EGFR: variants seen among roughly 807,000 people sequenced by gnomAD.
EGFR encodes epidermal growth factor receptor, also known as avian erythroblastic leukemia viral (v-erb-b) oncogene homolog.
Under a neutral mutation model 143.0 loss-of-function variants are expected in EGFR, and 58 were observed. The ratio of observed to expected loss-of-function variants is 0.41; its 90% CI spans 0.33 to 0.50. EGFR has a LOEUF of 0.50. Among genes scored for constraint, EGFR ranks in the 20% least tolerant of loss-of-function variants. EGFR has a pLI of 0.39. For synonymous variants in EGFR, 613 were observed against 594.4 expected (o/e 1.03, Z -0.45); for missense variants, 1,307 against 1,579.0 (o/e 0.83, Z 2.92).
At position 55,208,389 on chromosome 7, in the gene EGFR, G is replaced by C. The variant is rs1377762790; in HGVS notation, c.*2772G>C. Reference sequence around the variant, plus strand: ...GATAGCCTGGCCTTAATACCCTACAGAAAGCCTGTCCATTGGCTGTTTCTT... The same window carrying C: ...GATAGCCTGGCCTTAATACCCTACACAAAGCCTGTCCATTGGCTGTTTCTT... On this transcript the variant is annotated 3_prime_UTR_variant, in exon 28 of 28. Transcript: ENST00000275493. The C allele has an allele frequency of 3.3e-5, 5 of 152,180 alleles. No homozygotes were observed. Among genetic ancestry groups the C allele is most frequent in the African/African-American group, 1.2e-4 (5 of 41,418 alleles). The allele number at this position is 152,180 out of a possible 1,614,324, so 9.4% of individuals were successfully genotyped here.
At position 55,093,471 on chromosome 7, in the gene EGFR, T is replaced by C. The variant is rs528270852; in HGVS notation, c.89-48815T>C. Among the ~76,000 whole-genome samples, 123 of 152,212 alleles carry C rather than the reference T, an allele frequency of 8.1e-4. 8 individuals carry two copies. In the South Asian group the frequency reaches 0.025, roughly 31 times the overall value. On this transcript the variant is annotated intron_variant, in intron 1 of 27. Coordinates refer to ENST00000275493, the MANE Select transcript of EGFR (RefSeq NM_005228.5). ...TGGCATGGTGACTGTGTGAGCGAAT[T>C]CATGCCCTCCCTCCCCACCGCTCGC...
intron 1 of EGFR, among the ~76,000 whole-genome samples, chr7:55,024,974 A>G (rs141372144): frequency 1.3e-5 from 2 of 152,326 alleles, no homozygotes; most frequent in African/African-American, 4.8e-5. Flanking sequence ...ATTTGGTTAT[A>G]TGATTATTTC....
At chr7:55,178,357 A>G (rs1300428898) in intron 19 of EGFR, among the ~76,000 whole-genome samples, 1 of 152,206 alleles carries the variant, frequency 6.6e-6, no homozygotes, top group African/African-American at 2.4e-5. Context: ...AATGGAAGGG[A>G]ACGCAAAACA....
intron 1 of EGFR, among the ~76,000 whole-genome samples, chr7:55,045,652 GTC>G (rs1450551359): frequency 6.6e-6 from 1 of 152,202 alleles, no homozygotes; most frequent in African/African-American, 2.4e-5. Context: ...TTCCTCACCT[GTC>G]GAGTGTCAAC....
chr7:55,034,242 GT>G (rs1787428284), intron 1 of EGFR, among the ~76,000 whole-genome samples: 1 of 152,140 alleles, frequency 6.6e-6, no homozygotes, highest in African/African-American at 2.4e-5. Flanking sequence ...TGTTTGTTTT[GT>G]TTTGTATTGA....
At chr7:55,202,777 A>C (rs747390134) in intron 27 of EGFR, 152 bp downstream of exon 27, 7 of 749,242 alleles carry the variant, frequency 9.3e-6, no homozygotes, top group Admixed American at 4.0e-5. Flanking sequence ...GGGCGTAAGG[A>C]GCAGATAAAC....
intron 1 of EGFR, among the ~76,000 whole-genome samples, chr7:55,022,503 G>A (rs1237933950): frequency 6.6e-6 from 1 of 152,160 alleles, no homozygotes; most frequent in East Asian, 1.9e-4. Context: ...GGGTGAAGGT[G>A]GACAAGTCAC....
chr7:55,107,205 T>A (rs1375192305), intron 1 of EGFR, among the ~76,000 whole-genome samples: 2 of 152,176 alleles, frequency 1.3e-5, no homozygotes, highest in Non-Finnish European at 2.9e-5. Context: ...ATGTATTTCT[T>A]CCCTGCTCCT....
At chr7:55,165,649 G>A (rs570629549) in intron 15 of EGFR, among the ~76,000 whole-genome samples, 15 of 152,278 alleles carry the variant, frequency 9.9e-5, no homozygotes, top group African/African-American at 3.6e-4. Context: ...CCGTGTCCCC[G>A]GCCGGGCCTG....
rs1278838499 is a variant in EGFR, at chr7:55,155,853, G to T, written c.913G>T (p.Gly305Cys). 6.2e-7 allele frequency: 1 copy of T among 1,613,874 alleles called. No homozygotes were observed. The highest frequency in any genetic ancestry group is 8.5e-7 in the Non-Finnish European group (1 of 1,180,002). ...AGGTAATTATGTGGTGACAGATCAC[G>T]GCTCGTGCGTCCGAGCCTGTGGGGC... is the stretch of plus-strand genomic sequence containing the variant. ...CPRNYVVTDHGSCVRACGADS... is the reference protein window; with the variant it reads ...CPRNYVVTDHCSCVRACGADS... Residue 305 changes from glycine to cysteine, a missense_variant, in exon 8 of 28, where the codon GGC becomes TGC. Transcript: ENST00000275493.
intron 2 of EGFR, among the ~76,000 whole-genome samples, chr7:55,143,100 G>T (rs1584143674): frequency 6.6e-6 from 1 of 152,334 alleles, no homozygotes; most frequent in African/African-American, 2.4e-5. Context: ...AGGGGTCAAA[G>T]GCTAACGTGC....
intron 15 of EGFR, chr7:55,170,784 C>G (rs373533282): frequency 4.9e-6 from 7 of 1,435,034 alleles, no homozygotes; most frequent in South Asian, 3.0e-5. Flanking sequence ...ATGCTGCCAG[C>G]CTTCTCCGTA....
At chr7:55,186,756 G>A (rs1319188226) in intron 20 of EGFR, among the ~76,000 whole-genome samples, 2 of 152,186 alleles carry the variant, frequency 1.3e-5, no homozygotes, top group African/African-American at 4.8e-5. Context: ...ATAGAAGTAA[G>A]ACAAAATTTC....
intron 22 of EGFR, among the ~76,000 whole-genome samples, chr7:55,195,401 A>T (rs566283657): frequency 1.2e-4 from 18 of 152,282 alleles, no homozygotes; most frequent in African/African-American, 1.7e-4. Flanking sequence ...CACTGCTTTC[A>T]CTTGTTTTTA....
chr7:55,183,999 T>G (rs1189763769), intron 20 of EGFR, among the ~76,000 whole-genome samples: 3 of 152,248 alleles, frequency 2.0e-5, no homozygotes, highest in Admixed American at 2.0e-4. Flanking sequence ...GGGCACGTAG[T>G]CTTGGCAGGT....
intron 1 of EGFR, among the ~76,000 whole-genome samples, chr7:55,072,446 C>A (rs544697899): frequency 6.6e-5 from 10 of 152,178 alleles, no homozygotes; most frequent in Non-Finnish European, 1.2e-4. Context: ...TGGTGGGCAC[C>A]ATGGAGCTGT....
intron 1 of EGFR, among the ~76,000 whole-genome samples, chr7:55,130,873 C>T (rs922170185): frequency 3.3e-5 from 5 of 152,322 alleles, no homozygotes; most frequent in South Asian, 2.1e-4. Context: ...TGTGTCCAGG[C>T]GGGCTGGTCA....
intron 27 of EGFR, among the ~76,000 whole-genome samples, chr7:55,204,579 C>CACAT (rs528651950): frequency 2.1e-5 from 3 of 144,826 alleles, no homozygotes; most frequent in Non-Finnish European, 4.6e-5. Flanking sequence ...ACACACCACA[C>CACAT]ACACACCACA....
chr7:55,040,214 C>A (rs1787821696), intron 1 of EGFR, among the ~76,000 whole-genome samples: 1 of 152,140 alleles, frequency 6.6e-6, no homozygotes, highest in Non-Finnish European at 1.5e-5. Flanking sequence ...GATCCCCCAC[C>A]CGCAGCCTCA....
Sources: gnomAD v4.1 joint callset for allele counts (sites outside exome capture counted in the v4.1 genomes callset) on GRCh38, gnomAD v4.1.1 for gene constraint, MANE v1.5 for transcripts, NCBI Gene and HGNC (gene_info 2026-07-23, HGNC 2026-07-21) for gene names.